The following STK3 variants were observed in gnomAD, a reference collection of about 807,000 sequenced individuals.
The protein encoded by STK3 is serine/threonine-protein kinase 3.
In STK3, 41 loss-of-function variants were observed where a neutral mutation model predicts 58.0. The observed-to-expected ratio is 0.71, with a 90% CI of 0.55 to 0.92. The LOEUF (loss-of-function observed/expected upper bound fraction) is 0.92, where lower values mean the gene tolerates loss of function less well. Ranked by LOEUF, STK3 falls within the 40% of genes least tolerant of loss-of-function variation. The probability of loss-of-function intolerance (pLI) is 0.00; values close to 1 mark genes in which losing one functional copy is unlikely to be tolerated. For missense variants in STK3, 479 were observed against 602.7 expected, an observed-to-expected ratio of 0.79 and a Z score of 2.15; for synonymous variants, 170 against 191.0, an observed-to-expected ratio of 0.89 and a Z score of 0.91.
chr8:98,512,167 T>C (rs748011523), intron 10 of STK3, among the ~76,000 whole-genome samples: 4 of 151,562 alleles, frequency 2.6e-5, no homozygotes, highest in Non-Finnish European at 5.9e-5. Context: ...TTCCCCCTCC[T>C]GTGTCCATGT....
chr8:98,783,033 G>A (rs184125684), intron 1 of STK3, among the ~76,000 whole-genome samples: 20 of 151,122 alleles, frequency 1.3e-4, no homozygotes, highest in African/African-American at 4.6e-4. Flanking sequence ...GGGAGAGAGA[G>A]AGAGAGAGAG....
At chr8:98,649,227 T>A (rs1328919051) in intron 6 of STK3, among the ~76,000 whole-genome samples, 1 of 152,212 alleles carries the variant, frequency 6.6e-6, no homozygotes, top group East Asian at 1.9e-4. Flanking sequence ...TAGTTTTTTT[T>A]AATATCGTAG....
intron 10 of STK3, among the ~76,000 whole-genome samples, chr8:98,461,631 G>C (rs1444515452): frequency 6.6e-6 from 1 of 152,078 alleles, no homozygotes. Context: ...TCTACCTTTC[G>C]TTTCATGATT....
intron 6 of STK3, among the ~76,000 whole-genome samples, chr8:98,607,434 A>G (rs752571997): frequency 4.6e-5 from 7 of 152,248 alleles, no homozygotes; most frequent in Non-Finnish European, 1.5e-5. Context: ...AACTGTAATC[A>G]TTGTATTCTT....
the STK3 span, among the ~76,000 whole-genome samples, chr8:98,351,253 A>G: frequency 1.3e-5 from 2 of 152,138 alleles, no homozygotes; most frequent in East Asian, 1.9e-4. Flanking sequence ...AGCATTAAAT[A>G]CACAGTTACT....
At chr8:98,807,832 A>C (rs938016080) in intron 1 of STK3, among the ~76,000 whole-genome samples, 1 of 152,258 alleles carries the variant, frequency 6.6e-6, no homozygotes, top group Non-Finnish European at 1.5e-5. Flanking sequence ...AATGCCAGAG[A>C]AAACTTCAAG....
intron 10 of STK3, among the ~76,000 whole-genome samples, chr8:98,524,235 A>G (rs1032694091): frequency 6.6e-6 from 1 of 152,210 alleles, no homozygotes; most frequent in Non-Finnish European, 1.5e-5. Context: ...ACAGTACCAC[A>G]CTGTTTTGAT....
intron 6 of STK3, among the ~76,000 whole-genome samples, chr8:98,692,557 G>A (rs1365671176): frequency 3.3e-4 from 51 of 152,242 alleles, no homozygotes; most frequent in Non-Finnish European, 4.0e-4. Flanking sequence ...GTTGCGAGGG[G>A]TTGGAGCAAG....
Position 98,411,328 on chromosome 8 carries a change from C to T in STK3, n.484-9815G>A, listed in dbSNP as rs182185990. On this transcript the variant is annotated intron_variant and non_coding_transcript_variant, in intron 3 of 3. Coordinates refer to the STK3 transcript ENST00000517832. ...TATCACCTTACAACTCTTCTAGAGCCAACAACTAGGCTGCATAACTCCCTT... is the reference window on the plus strand; with the variant it reads ...TATCACCTTACAACTCTTCTAGAGCTAACAACTAGGCTGCATAACTCCCTT... 2.0e-5 allele frequency among the ~76,000 whole-genome samples: 3 copies of T among 152,350 alleles called. No homozygotes were observed. The East Asian group carries it at 5.8e-4, about 29-fold the overall frequency.
intron 2 of STK3, among the ~76,000 whole-genome samples, chr8:98,771,147 C>T (rs1234599246): frequency 6.6e-6 from 1 of 152,204 alleles, no homozygotes; most frequent in Non-Finnish European, 1.5e-5. Flanking sequence ...TCTGTCTCTA[C>T]AGATTTATCT....
downstream of STK3, among the ~76,000 whole-genome samples, chr8:98,369,340 A>G (rs551804081): frequency 1.3e-5 from 2 of 152,320 alleles, no homozygotes; most frequent in East Asian, 3.9e-4. Flanking sequence ...TTCTTTTACT[A>G]TTAAGGATCT....
intron 1 of STK3, among the ~76,000 whole-genome samples, chr8:98,812,127 T>C (rs558805269): frequency 2.0e-5 from 3 of 152,322 alleles, no homozygotes; most frequent in East Asian, 1.9e-4. Flanking sequence ...TTTTCAATCC[T>C]GCTCCCTTTT....
Position 98,793,191 on chromosome 8 carries a change from C to G in STK3, c.27-18372G>C, listed in dbSNP as rs186971573. 8.7e-3 allele frequency among the ~76,000 whole-genome samples: 1,328 copies of G among 151,918 alleles called. 11 individuals are homozygous for G. Among genetic ancestry groups the G allele is most frequent in the African/African-American group, 0.03 (1,251 of 41,408 alleles). Reference sequence around the variant, plus strand: ...AGACTCAGGGGGAAAGGGTGGGAAGCGGATAAGGGATAAAAGACGACAAAT... The same window carrying G: ...AGACTCAGGGGGAAAGGGTGGGAAGGGGATAAGGGATAAAAGACGACAAAT... On this transcript the variant is annotated intron_variant, in intron 1 of 10. Transcript: ENST00000419617.
chr8:98,368,726 AGATGAACTGTGATGGTGCCATCACATCT>A (rs1298237203), downstream of STK3, among the ~76,000 whole-genome samples: 2 of 152,238 alleles, frequency 1.3e-5, no homozygotes, highest in African/African-American at 4.8e-5. Flanking sequence ...TGTTTGTCAC[AGATGAACTGTGATGGTGCCATCACATCT>A]GATGGTGCCA....
intron 3 of STK3, among the ~76,000 whole-genome samples, chr8:98,753,005 T>C (rs1481707361): frequency 6.6e-6 from 1 of 151,300 alleles, no homozygotes; most frequent in African/African-American, 2.4e-5. Context: ...TTATATACTG[T>C]TGGTGGGAGT....
rs117037609 is a variant in STK3 at position 98,738,257 on chromosome 8, C to A, written c.351+11019G>T. Among the ~76,000 whole-genome samples the A allele has an allele frequency of 9.6e-3, 1,454 of 152,030 alleles. 14 individuals are homozygous for A. The highest frequency in any genetic ancestry group is 0.014 in the Non-Finnish European group (942 of 67,978). On this transcript the variant is annotated intron_variant, in intron 4 of 10. Transcript: ENST00000419617. Reference sequence around the variant, plus strand: ...CTTTAGATGACCGGGTGGATCACCCCACGTCAGGAGTTCCAGACCAGCCTG... The same window carrying A: ...CTTTAGATGACCGGGTGGATCACCCAACGTCAGGAGTTCCAGACCAGCCTG...
At position 98,614,384 on chromosome 8, in the gene STK3, G is replaced by A. The variant is rs1817476689; in HGVS notation, c.685-18215C>T. On this transcript the variant is annotated intron_variant, in intron 6 of 10. Coordinates refer to ENST00000419617, the MANE Select transcript of STK3 (RefSeq NM_006281.4). ...AACAGAGACATAATAGGAAAATCAA[G>A]CACTTGAAAACTAAAGAACACGCTT... Among the ~76,000 whole-genome samples, 3 of 144,426 alleles carry A rather than the reference G, an allele frequency of 2.1e-5. No homozygotes were observed. In the South Asian group the frequency reaches 6.2e-4, roughly 30 times the overall value. The allele number at this position is 144,426 out of a possible 152,430, so 94.7% of individuals were successfully genotyped here.
chr8:98,842,404 C>A (rs779643284), intron 3 of STK3, among the ~76,000 whole-genome samples: 1 of 152,146 alleles, frequency 6.6e-6, no homozygotes, highest in African/African-American at 2.4e-5. Flanking sequence ...TGGAAATTGG[C>A]CAGCCTTACA....
rs780626864 is a variant in STK3, at chr8:98,548,185, G to A, written c.949-24C>T. 1.1e-5 allele frequency: 16 copies of A among 1,451,026 alleles called. No homozygotes were observed. The Admixed American group carries it at 2.2e-4, about 20-fold the overall frequency. 89.9% of individuals were successfully genotyped at this position (1,451,026 alleles called of 1,614,324 possible). On this transcript the variant is annotated intron_variant, in intron 8 of 10. Coordinates refer to ENST00000419617, the MANE Select transcript of STK3 (RefSeq NM_006281.4). Reference sequence around the variant, plus strand: ...TCCTGCAAGCAAAATACTGCAATGAGGGAAGACTTTTCTATGACAGCTGGA... The same window carrying A: ...TCCTGCAAGCAAAATACTGCAATGAAGGAAGACTTTTCTATGACAGCTGGA...
Sources: allele counts gnomAD v4.1 joint callset (sites outside exome capture counted in the v4.1 genomes callset), GRCh38; gene constraint gnomAD v4.1.1; transcripts MANE v1.5; gene names NCBI Gene and HGNC (gene_info 2026-07-23, HGNC 2026-07-21).